ASAP1: variants seen among roughly 807,000 people sequenced by gnomAD.
ASAP1 encodes ArfGAP with SH3 domain, ankyrin repeat and PH domain 1.
A neutral mutation model predicts 145.2 loss-of-function variants in ASAP1; 43 were observed. That is an observed-to-expected ratio of 0.30 (90% confidence interval 0.23 to 0.38). ASAP1 has a LOEUF of 0.38. Ranked by LOEUF, ASAP1 falls within the 10% of genes least tolerant of loss-of-function variation. The pLI is 1.00. For synonymous variants in ASAP1, 546 were observed against 515.5 expected (o/e 1.06, Z -0.80); for missense variants, 1,018 against 1,355.3 (o/e 0.75, Z 3.91).
At chr8:130,197,087 A>AG (rs1263006416) in intron 5 of ASAP1, among the ~76,000 whole-genome samples, 4 of 152,248 alleles carry the variant, frequency 2.6e-5, no homozygotes, top group Admixed American at 1.3e-4. Flanking sequence ...CTGGTGTCCC[A>AG]GCACCTTCCT....
chr8:130,067,951 A>G (rs770479945), intron 27 of ASAP1, among the ~76,000 whole-genome samples: 13 of 152,180 alleles, frequency 8.5e-5, no homozygotes, highest in Non-Finnish European at 1.9e-4. Flanking sequence ...GCGAAGCAGG[A>G]TTTGTTGGAA....
intron 3 of ASAP1, among the ~76,000 whole-genome samples, chr8:130,321,071 T>G (rs1037390039): frequency 2.6e-5 from 4 of 152,194 alleles, no homozygotes; most frequent in African/African-American, 9.6e-5. Context: ...TTTTGAAATT[T>G]TGTGATTCCA....
At chr8:130,152,850 T>A in intron 12 of ASAP1, 45 bp from the exon 13 acceptor site, 2 of 1,426,690 alleles carry the variant, frequency 1.4e-6, no homozygotes, top group South Asian at 2.4e-5. Flanking sequence ...ACTGATTCAC[T>A]CTGGGACATG....
intron 2 of ASAP1, among the ~76,000 whole-genome samples, chr8:130,385,955 G>A (rs1565271205): frequency 6.6e-6 from 1 of 152,170 alleles, no homozygotes; most frequent in Non-Finnish European, 1.5e-5. Context: ...GGTGACATGG[G>A]CTTGTCCAAT....
At chr8:130,310,148 A>AGGGGGG (rs1586804891) in intron 3 of ASAP1, among the ~76,000 whole-genome samples, 1 of 50,866 alleles carries the variant, frequency 2.0e-5, no homozygotes, top group Non-Finnish European at 4.1e-5. Flanking sequence ...TGGGGGGGGG[A>AGGGGGG]GGGGGGTGAG....
chr8:130,358,079 TG>T lies in ASAP1; in HGVS notation c.123del (p.Thr42ProfsTer23). 1 of 1,610,358 alleles carries T rather than the reference TG, an allele frequency of 6.2e-7. No individual in the cohort carries two copies. ...IAETTEDYNS[P>X]TTSSFTTRLH... ...AGCCGCGTGGTGAAGCTGGACGTGG[TG>T]GGCGAGTTGTAGTCCTCGGTGGTCT... is the stretch of plus-strand genomic sequence containing the variant. On this transcript the variant is annotated frameshift_variant, in exon 3 of 30. Coordinates refer to ENST00000518721, the MANE Select transcript of ASAP1 (RefSeq NM_018482.4). LOFTEE classifies it high-confidence loss of function. This position sits in a 1 kb window ranked among gnomAD's most constrained non-coding sequence, Gnocchi z 4.1.
intron 2 of ASAP1, among the ~76,000 whole-genome samples, chr8:130,373,889 A>G (rs1027196082): frequency 3.3e-5 from 5 of 151,532 alleles, no homozygotes; most frequent in African/African-American, 1.2e-4. Context: ...CTGTGTAATA[A>G]AAAAAGGTTT....
intron 17 of ASAP1, among the ~76,000 whole-genome samples, chr8:130,124,322 T>C (rs895601911): frequency 3.3e-5 from 5 of 152,224 alleles, no homozygotes; most frequent in African/African-American, 1.2e-4. Flanking sequence ...GTAAACTATG[T>C]TCCCTTTCCA....
At chr8:130,124,465 T>G (rs1397641366) in intron 17 of ASAP1, among the ~76,000 whole-genome samples, 2 of 152,216 alleles carry the variant, frequency 1.3e-5, no homozygotes, top group Non-Finnish European at 2.9e-5. Context: ...AGGCTCCATA[T>G]GTGAGTCTAG....
At chr8:130,167,493 T>C (rs1291747810) in intron 11 of ASAP1, 43 bp downstream of exon 11, 1 of 1,502,374 alleles carries the variant, frequency 6.7e-7, no homozygotes, top group Non-Finnish European at 9.3e-7. Context: ...CAAGCAGCCT[T>C]ACCTACACTG....
intron 13 of ASAP1, among the ~76,000 whole-genome samples, chr8:130,143,410 T>TG (rs1491113431): frequency 7.9e-6 from 1 of 126,730 alleles, no homozygotes; most frequent in Admixed American, 8.3e-5. Context: ...GTGAGATGTC[T>TG]GTTTTTTTTT....
chr8:130,114,181 G>A (rs1317180316), intron 23 of ASAP1, among the ~76,000 whole-genome samples: 1 of 152,162 alleles, frequency 6.6e-6, no homozygotes. Context: ...CATACATTCT[G>A]AGAAATGTGT....
intron 5 of ASAP1, among the ~76,000 whole-genome samples, chr8:130,193,927 T>C (rs1815310796): frequency 6.6e-6 from 1 of 152,178 alleles, no homozygotes; most frequent in Admixed American, 6.5e-5. Flanking sequence ...TGGCCTCATG[T>C]GATCTGCCCG....
intron 12 of ASAP1, 145 bp from the exon 13 acceptor site, chr8:130,152,950 TTTA>T (rs892009753): frequency 5.5e-6 from 3 of 549,092 alleles, no homozygotes; most frequent in Non-Finnish European, 9.5e-6. Context: ...CTGGTTGCCT[TTTA>T]TTATCCCAGG....
intron 5 of ASAP1, 131 bp downstream of exon 5, chr8:130,214,425 A>T: frequency 1.1e-6 from 1 of 903,014 alleles, no homozygotes. Flanking sequence ...TAGGACTAAA[A>T]AGCTTTTTGT....
chr8:130,230,885 C>G (rs1438527116), intron 4 of ASAP1, among the ~76,000 whole-genome samples: 2 of 152,134 alleles, frequency 1.3e-5, no homozygotes, highest in Non-Finnish European at 1.5e-5. Flanking sequence ...TTTCTCCCCA[C>G]TGAAAACCGC....
chr8:130,248,232 G>A (rs1818972690), intron 3 of ASAP1, among the ~76,000 whole-genome samples: 2 of 152,096 alleles, frequency 1.3e-5, no homozygotes, highest in Non-Finnish European at 2.9e-5. Context: ...GGGGGGGTTG[G>A]AGGGGGGAGT....
At chr8:130,074,991 G>A (rs967467864) in intron 27 of ASAP1, among the ~76,000 whole-genome samples, 4 of 152,190 alleles carry the variant, frequency 2.6e-5, no homozygotes, top group African/African-American at 9.7e-5. Context: ...GGAAGGGAGG[G>A]CATGGAGGGG....
At chr8:130,069,574 G>GT (rs2097437829) in intron 27 of ASAP1, 1 of 152,160 alleles carries the variant, frequency 6.6e-6, no homozygotes, top group African/African-American at 2.4e-5. Context: ...AAAAAATAAC[G>GT]TGTCATTCAT....
Sources: allele counts gnomAD v4.1 joint callset (sites outside exome capture counted in the v4.1 genomes callset), GRCh38; gene constraint gnomAD v4.1.1; non-coding constraint Gnocchi (gnomAD v3.1); transcripts MANE v1.5; gene names NCBI Gene and HGNC (gene_info 2026-07-23, HGNC 2026-07-21).